The following VTI1B variants were observed in gnomAD, a reference collection of about 807,000 sequenced individuals.
VTI1B encodes the protein vesicle transport through interaction with t-SNAREs homolog 1B.
A neutral mutation model predicts 28.6 loss-of-function variants in VTI1B; 18 were observed. The ratio of observed to expected loss-of-function variants is 0.63; its 90% CI spans 0.43 to 0.93. The LOEUF is 0.93. Among genes scored for constraint, VTI1B ranks in the 40% least tolerant of loss-of-function variants. VTI1B has a pLI of 0.00. For synonymous variants in VTI1B, 100 were observed against 107.9 expected, an observed-to-expected ratio of 0.93 and a Z score of 0.46; for missense variants, 283 against 297.0, an observed-to-expected ratio of 0.95 and a Z score of 0.35.
rs1566807011 is a variant in VTI1B at position 67,648,157 on chromosome 14, A to G, written c.*3228T>C. 3.7e-6 allele frequency: 6 copies of G among 1,614,018 alleles called. No individual in the cohort carries two copies. The highest frequency in any genetic ancestry group is 4.5e-5 in the East Asian group (2 of 44,878). On this transcript the variant is annotated 3_prime_UTR_variant, in exon 6 of 6. Transcript: ENST00000554659. ...GGACTAACCTATCGAGAAGGCATGTATATTGCTGAGGAAATACACAATACA... is the reference window on the plus strand; with the variant it reads ...GGACTAACCTATCGAGAAGGCATGTGTATTGCTGAGGAAATACACAATACA...
intron 5 of VTI1B, among the ~76,000 whole-genome samples, chr14:67,653,190 A>C (rs1231753380): frequency 2.0e-5 from 3 of 152,212 alleles, no homozygotes; most frequent in Non-Finnish European, 2.9e-5. Flanking sequence ...TCAGTGGAGA[A>C]ATTTTTCACT....
chr14:67,652,217 G>GT (rs1555383050), intron 5 of VTI1B: 3 of 152,218 alleles, frequency 2.0e-5, no homozygotes, highest in Non-Finnish European at 4.4e-5. Flanking sequence ...CGAGGATTTT[G>GT]TTTTTTATTT....
rs755306278 is a variant in VTI1B at position 67,651,516 on chromosome 14, G to A, written c.603-35C>T. The A allele has an allele frequency of 1.7e-5, 28 of 1,609,626 alleles. No individual in the cohort carries two copies. The South Asian group carries it at 3.1e-4, about 18-fold the overall frequency. On this transcript the variant is annotated intron_variant, in intron 5 of 5. Coordinates refer to ENST00000554659, the MANE Select transcript of VTI1B (RefSeq NM_006370.3). ...GAAGCAAAGTGGGGAGTAGTCAGAAGTTTGGATAACCTTCCTTCTAAACAT... is the reference window on the plus strand; with the variant it reads ...GAAGCAAAGTGGGGAGTAGTCAGAAATTTGGATAACCTTCCTTCTAAACAT...
At position 67,659,839 on chromosome 14, in the gene VTI1B, C is replaced by T. The variant is rs897983137; in HGVS notation, c.258G>A (p.Lys86=). ...PMMSKLRNYR[K]DLAKLHREVR... is the part of the protein sequence containing the mutation. ...CCTCCCGATGGAGTTTAGCAAGGTC[C>T]TTCCGGTAGTTTCGAAGCTTAGACA... The change falls in exon 3 of 6, where the codon AAG becomes AAA. Residue 86 remains lysine (K), a synonymous_variant. Coordinates refer to ENST00000554659, the MANE Select transcript of VTI1B (RefSeq NM_006370.3). The T allele has an allele frequency of 3.7e-6, 6 of 1,614,160 alleles. No individual in the cohort carries two copies. The highest frequency in any genetic ancestry group is 5.1e-6 in the Non-Finnish European group (6 of 1,180,034).
intron 3 of VTI1B, chr14:67,657,246 A>G (rs1021301844): frequency 2.6e-5 from 4 of 152,212 alleles, no homozygotes; most frequent in African/African-American, 9.7e-5. Flanking sequence ...TAAAGAAAGC[A>G]TGTAGAAGTC....
rs1170632007 is a variant in VTI1B, at chr14:67,647,927, A to T, written c.*3458T>A. ...CTGGAAATGTATTAACAGCTTTATT[A>T]ACAAAGTACTAGGACTAATAGCAAC... On this transcript the variant is annotated 3_prime_UTR_variant, in exon 6 of 6. Transcript: ENST00000554659. 2 of 975,672 alleles carry T rather than the reference A, an allele frequency of 2.0e-6. No individual in the cohort carries two copies. Among genetic ancestry groups the T allele is most frequent in the Non-Finnish European group, 3.0e-6 (2 of 675,772 alleles). The allele number at this position is 975,672 out of a possible 1,614,324, so 60.4% of individuals were successfully genotyped here.
chr14:67,653,664 G>A (rs2140801858), intron 4 of VTI1B, among the ~76,000 whole-genome samples, 166 bp from the exon 5 acceptor site: 1 of 152,348 alleles, frequency 6.6e-6, no homozygotes, highest in South Asian at 2.1e-4. Context: ...AACCTGGAAA[G>A]GACAAGATAT....
At chr14:67,657,026 T>G (rs966951858) in intron 3 of VTI1B, 3 of 152,984 alleles carry the variant, frequency 2.0e-5, no homozygotes, top group Admixed American at 6.5e-5. Context: ...TAGAAAAAGG[T>G]TAATTCACTG....
Position 67,660,417 on chromosome 14 carries a change from A to T in VTI1B, c.175-495T>A, listed in dbSNP as rs111621502. Among the ~76,000 whole-genome samples, 518 of 152,274 alleles carry T rather than the reference A, an allele frequency of 3.4e-3. 3 individuals are homozygous for T. Among genetic ancestry groups the T allele is most frequent in the African/African-American group, 0.012 (498 of 41,534 alleles). ...AAGACCTCATCTCTATATATATATA[A>T]AAAATTAAACAGAAAAGGAGTCAGG... On this transcript the variant is annotated intron_variant, in intron 2 of 5. Transcript: ENST00000554659.
intron 5 of VTI1B, among the ~76,000 whole-genome samples, chr14:67,653,092 A>G (rs570879893): frequency 1.6e-4 from 25 of 152,260 alleles, no homozygotes; most frequent in African/African-American, 5.5e-4. Context: ...CGGGGCTGAG[A>G]TTATATAAAT....
Position 67,674,362 on chromosome 14 carries a change from A to AC in VTI1B, c.115+12dup. The AC allele has an allele frequency of 1.3e-6, 2 of 1,571,414 alleles. No homozygotes were observed. The highest frequency in any genetic ancestry group is 1.7e-6 in the Non-Finnish European group (2 of 1,160,424). On this transcript the variant is annotated intron_variant, in intron 1 of 5. Coordinates refer to ENST00000554659, the MANE Select transcript of VTI1B (RefSeq NM_006370.3). ...GGCTGCGCTCCCCACGGCGTGGCCC[A>AC]CCCCCGCCTCACCGGTCCCCGCCGT...
In VTI1B at chr14:67,674,265, G is replaced by A. The variant is rs536000684; in HGVS notation, c.115+110C>T. 1.2e-4 allele frequency: 124 copies of A among 1,029,592 alleles called. No homozygotes were observed. The African/African-American group carries it at 1.9e-3, about 16-fold the overall frequency. 63.8% of individuals were successfully genotyped at this position (1,029,592 alleles called of 1,614,324 possible). ...AGCCAGCCCTAGGGGGCGTGTCTGA[G>A]GACGCGGAGGGAGGAGACGCGGGCC... On this transcript the variant is annotated intron_variant, in intron 1 of 5. Coordinates refer to ENST00000554659, the MANE Select transcript of VTI1B (RefSeq NM_006370.3).
At chr14:67,657,801 T>C (rs1354618750) in intron 3 of VTI1B, among the ~76,000 whole-genome samples, 1 of 144,458 alleles carries the variant, frequency 6.9e-6, no homozygotes, top group East Asian at 2.0e-4. Flanking sequence ...CGGGCTGGAG[T>C]GGAGTGGCAA....
intron 2 of VTI1B, among the ~76,000 whole-genome samples, chr14:67,662,179 C>CAAAA (rs112653537): frequency 3.2e-4 from 46 of 141,652 alleles, no homozygotes; most frequent in East Asian, 1.4e-3. Flanking sequence ...ACAACAACAA[C>CAAAA]AAAAAAAAAA....
chr14:67,667,751 T>C (rs1301421387), intron 1 of VTI1B, among the ~76,000 whole-genome samples: 1 of 152,146 alleles, frequency 6.6e-6, no homozygotes, highest in Non-Finnish European at 1.5e-5. Context: ...GAGACCATCC[T>C]GGGTGACACA....
chr14:67,656,667 C>G, intron 3 of VTI1B, 78 bp from the exon 4 acceptor site: 1 of 1,468,438 alleles, frequency 6.8e-7, no homozygotes, highest in East Asian at 2.3e-5. Context: ...ATCACCTTCC[C>G]CATGTTAGAA....
At chr14:67,656,641 T>G in intron 3 of VTI1B, 52 bp from the exon 4 acceptor site, 1 of 1,541,810 alleles carries the variant, frequency 6.5e-7, no homozygotes, top group Non-Finnish European at 8.8e-7. Context: ...ATAAATTCAT[T>G]GCCAGCATAT....
rs1594832329 is a variant in VTI1B, at chr14:67,651,099, T to C, written c.*286A>G. On this transcript the variant is annotated 3_prime_UTR_variant, in exon 6 of 6. Transcript: ENST00000554659. The stretch of plus-strand genomic sequence containing the variant: ...GTGACCAATACTACTGTAAATGTAT[T>C]TGGTTTTTTGCAGTTCACAGGGTAT... 2 of 919,488 alleles carry C rather than the reference T, an allele frequency of 2.2e-6. No individual in the cohort carries two copies. Among genetic ancestry groups the C allele is most frequent in the East Asian group, 5.3e-5 (2 of 37,860 alleles). The allele number at this position is 919,488 out of a possible 1,614,324, so 57.0% of individuals were successfully genotyped here.
At chr14:67,655,893 T>C (rs1173658320) in intron 4 of VTI1B, among the ~76,000 whole-genome samples, 1 of 152,168 alleles carries the variant, frequency 6.6e-6, no homozygotes, top group East Asian at 1.9e-4. Flanking sequence ...TCCAGTGATG[T>C]CTAAATCTTA....
Sources: gnomAD v4.1 joint callset for allele counts (sites outside exome capture counted in the v4.1 genomes callset) on GRCh38, gnomAD v4.1.1 for gene constraint, MANE v1.5 for transcripts, NCBI Gene and HGNC (gene_info 2026-07-23, HGNC 2026-07-21) for gene names.